The following NNMT variants were observed in gnomAD, a reference collection of about 807,000 sequenced individuals.
NNMT encodes the protein nicotinamide N-methyltransferase.
NNMT carries 10 observed loss-of-function variants against 11.7 expected under a neutral mutation model. The observed-to-expected ratio is 0.85, with a 90% CI of 0.53 to 1.45. The LOEUF is 1.45. Ranked by LOEUF, NNMT falls within the 40% of genes most tolerant of loss-of-function variation. The pLI, the probability that NNMT is intolerant of heterozygous loss-of-function variation, is 0.00. For synonymous variants in NNMT, 143 were observed against 133.8 expected (o/e 1.07, Z -0.48); for missense variants, 381 against 319.4 (o/e 1.19, Z -1.47).
intron 2 of NNMT, among the ~76,000 whole-genome samples, chr11:114,299,006 G>A (rs995986614): frequency 4.6e-5 from 7 of 152,186 alleles, no homozygotes; most frequent in Admixed American, 1.3e-4. Context: ...GCATATTGCT[G>A]AGACCCCACA....
At chr11:114,282,223 C>T (rs1945267719) in intron 2 of NNMT, among the ~76,000 whole-genome samples, 1 of 152,008 alleles carries the variant, frequency 6.6e-6, no homozygotes, top group African/African-American at 2.4e-5. Flanking sequence ...GACCCTGTCT[C>T]AACAAACGAA....
chr11:114,282,612 C>T (rs1945270331), intron 2 of NNMT, among the ~76,000 whole-genome samples: 1 of 152,116 alleles, frequency 6.6e-6, no homozygotes, highest in African/African-American at 2.4e-5. Context: ...GAATTCTGAC[C>T]CAAAGAATAT....
At chr11:114,270,452 A>C (rs1038839286) in intron 2 of NNMT, 10 of 152,186 alleles carry the variant, frequency 6.6e-5, no homozygotes, top group Non-Finnish European at 1.3e-4. Context: ...CACAGCCCAG[A>C]GTATCGTAAG....
intron 2 of NNMT, among the ~76,000 whole-genome samples, chr11:114,309,792 T>C (rs1046731794): frequency 6.6e-6 from 1 of 152,184 alleles, no homozygotes; most frequent in Admixed American, 6.5e-5. Context: ...TCTCTCCAAA[T>C]CCCTCAGCTC....
rs12418363 is a variant in NNMT, at chr11:114,281,029, A to G, written c.-129-15399A>G. ...CCACCACAGAAGCTGAGGCCCAGGA[A>G]AGCCAACCCAGACCTGCTGGCCCAG... is the stretch of plus-strand genomic sequence containing the variant. On this transcript the variant is annotated intron_variant, in intron 2 of 4. Transcript: ENST00000535401. Among the ~76,000 whole-genome samples the G allele has an allele frequency of 5.2e-3, 794 of 152,268 alleles. 15 individuals are homozygous for G. Among genetic ancestry groups the G allele is most frequent in the Admixed American group, 0.037 (572 of 15,288 alleles).
chr11:114,304,016 T>G (rs1404259288), intron 2 of NNMT, among the ~76,000 whole-genome samples: 1 of 152,234 alleles, frequency 6.6e-6, no homozygotes, highest in Non-Finnish European at 1.5e-5. Context: ...TTCTTCAATA[T>G]AAAAATAATT....
chr11:114,288,360 T>G (rs1051438530), intron 2 of NNMT, among the ~76,000 whole-genome samples: 2 of 152,186 alleles, frequency 1.3e-5, no homozygotes, highest in Admixed American at 6.5e-5. Flanking sequence ...GTAATCTTTA[T>G]CTGATTAAGG....
At chr11:114,307,662 C>T (rs1455707783) in intron 2 of NNMT, among the ~76,000 whole-genome samples, 1 of 47,372 alleles carries the variant, frequency 2.1e-5, no homozygotes, top group Non-Finnish European at 5.6e-5. Flanking sequence ...CAAAGCCCTG[C>T]CTAGTCTGGC....
At chr11:114,284,611 G>GCA (rs1945283417) in intron 2 of NNMT, among the ~76,000 whole-genome samples, 1 of 145,434 alleles carries the variant, frequency 6.9e-6, no homozygotes, top group Non-Finnish European at 1.5e-5. Context: ...CTACAGGCAT[G>GCA]TGCCACCACA....
chr11:114,272,602 G>C (rs1003900446), intron 2 of NNMT, among the ~76,000 whole-genome samples: 17 of 152,196 alleles, frequency 1.1e-4, no homozygotes, highest in Admixed American at 6.5e-5. Context: ...AAGTCTAAGA[G>C]TTGTATCTTT....
At chr11:114,292,844 C>A (rs918375089), upstream of NNMT, among the ~76,000 whole-genome samples, 6 of 152,074 alleles carry the variant, frequency 3.9e-5, no homozygotes, top group African/African-American at 1.4e-4. Flanking sequence ...CACATATATG[C>A]TATATCACCA....
Position 114,298,120 on chromosome 11 carries a change from C to T in NNMT, c.324C>T (p.Ser108=). 1 of 1,614,034 alleles carries T rather than the reference C, an allele frequency of 6.2e-7. No individual in the cohort carries two copies. Among genetic ancestry groups the T allele is most frequent in the South Asian group, 1.1e-5 (1 of 91,074 alleles). ...LKKEPEAFDW[S]PVVTYVCDLE... ...AAGAGCCAGAGGCCTTTGACTGGTCCCCAGTGGTGACCTATGTGTGTGATC... is the reference window on the plus strand; with the variant it reads ...AAGAGCCAGAGGCCTTTGACTGGTCTCCAGTGGTGACCTATGTGTGTGATC... Residue 108 remains serine (S), a synonymous_variant, in exon 2 of 3, where the codon TCC becomes TCT. Coordinates refer to ENST00000299964, the MANE Select transcript of NNMT (RefSeq NM_006169.3).
At chr11:114,306,060 GTC>G (rs1331101654) in intron 2 of NNMT, among the ~76,000 whole-genome samples, 20 of 152,252 alleles carry the variant, frequency 1.3e-4, no homozygotes, top group Admixed American at 3.9e-4. Flanking sequence ...GTGAGATGGT[GTC>G]TCATTGTGGT....
intron 2 of NNMT, chr11:114,270,190 A>AAT (rs1353789534): frequency 6.6e-6 from 1 of 152,190 alleles, no homozygotes; most frequent in African/African-American, 2.4e-5. Context: ...AGTTTTTGTG[A>AAT]ATATTCCATG....
intron 2 of NNMT, among the ~76,000 whole-genome samples, chr11:114,271,937 G>A (rs1332799100): frequency 1.3e-5 from 2 of 152,094 alleles, no homozygotes; most frequent in African/African-American, 4.8e-5. Context: ...GGGGTTGGTT[G>A]AGGGGGGCAT....
At chr11:114,271,201 A>G (rs1267459451) in intron 2 of NNMT, among the ~76,000 whole-genome samples, 1 of 152,226 alleles carries the variant, frequency 6.6e-6, no homozygotes, top group East Asian at 1.9e-4. Context: ...AAAGTAGAGA[A>G]TGGGAATAGA....
intron 2 of NNMT, among the ~76,000 whole-genome samples, chr11:114,299,130 CTTA>C (rs1945413335): frequency 6.6e-6 from 1 of 151,968 alleles, no homozygotes; most frequent in African/African-American, 2.4e-5. Flanking sequence ...TTTTTCTGCC[CTTA>C]TTATGTTGGC....
rs145344459 is a variant in NNMT, at chr11:114,258,359, C to T, written c.-217+481C>T. ...CGCTCTGAGGAACTCCTCTCCTGAC[C>T]AAAGTGGAGAGCTGAGGCCCGGCGC... On this transcript the variant is annotated intron_variant, in intron 1 of 4. Transcript: ENST00000535401. 5.3e-5 allele frequency among the ~76,000 whole-genome samples: 8 copies of T among 152,344 alleles called. No individual in the cohort carries two copies. In the East Asian group the frequency reaches 1.4e-3, roughly 26 times the overall value.
At chr11:114,279,442 T>C (rs1163273524) in intron 2 of NNMT, among the ~76,000 whole-genome samples, 2 of 152,052 alleles carry the variant, frequency 1.3e-5, no homozygotes, top group Non-Finnish European at 2.9e-5. Context: ...AGGAGGGTGA[T>C]GGTTGGAAAG....
Sources: gnomAD v4.1 joint callset for allele counts (sites outside exome capture counted in the v4.1 genomes callset) on GRCh38, gnomAD v4.1.1 for gene constraint, MANE v1.5 for transcripts, NCBI Gene and HGNC (gene_info 2026-07-23, HGNC 2026-07-21) for gene names.